Variants in RPS6KA4 observed in about 807,000 individuals in gnomAD.
RPS6KA4 encodes ribosomal protein S6 kinase A4, also known as ribosomal protein S6 kinase alpha-4.
RPS6KA4 carries 38 observed loss-of-function variants against 89.6 expected under a neutral mutation model. The ratio of observed to expected loss-of-function variants is 0.42; its 90% CI spans 0.33 to 0.56. The LOEUF is 0.56. RPS6KA4 is among the 20% of genes least tolerant of loss of function. The pLI is 0.07. For missense variants in RPS6KA4, 873 were observed against 1,098.8 expected, an observed-to-expected ratio of 0.79 and a Z score of 2.90; for synonymous variants, 495 against 492.8, an observed-to-expected ratio of 1.00 and a Z score of -0.06.
chr11:64,369,964 CGAGG>C lies in RPS6KA4; in HGVS notation c.1797+77_1797+80del, dbSNP rs530052666. On this transcript the variant is annotated intron_variant, in intron 14 of 16. Coordinates refer to ENST00000334205, the MANE Select transcript of RPS6KA4 (RefSeq NM_003942.3). Reference sequence around the variant, plus strand: ...GGCGTCTTCCTGATGTGCAGCAGCACGAGGGAGGGGACAGGGGTCATCTTGGTGG... The same window carrying C: ...GGCGTCTTCCTGATGTGCAGCAGCACGAGGGGACAGGGGTCATCTTGGTGG... 3.1e-4 allele frequency: 441 copies of C among 1,402,086 alleles called. 7 individuals carry two copies. In the South Asian group the frequency reaches 6.2e-3, roughly 20 times the overall value. The allele number at this position is 1,402,086 out of a possible 1,614,324, so 86.9% of individuals were successfully genotyped here. A position where few individuals can be genotyped will look rare whatever the true frequency, so the allele number is the denominator to read the frequency against.
chr11:64,360,203 C>G lies in RPS6KA4; in HGVS notation c.168C>G (p.His56Gln). 1.3e-6 allele frequency: 2 copies of G among 1,548,120 alleles called. No individual in the cohort carries two copies. The highest frequency in any genetic ancestry group is 1.2e-5 in the South Asian group (1 of 83,914). The change falls in exon 3 of 17, where the codon CAC (histidine) becomes CAG (glutamine). Residue 56 changes from histidine (H) to glutamine (Q), a missense_variant. Around this residue, in one of 4 missense-constraint regions of RPS6KA4, gnomAD observed 542 missense variants for 736.4 expected, o/e 0.74. Coordinates refer to ENST00000334205, the MANE Select transcript of RPS6KA4 (RefSeq NM_003942.3). ...KVFLVRKAGG[H>Q]DAGKLYAMKV... ...TCCTGGTGCGGAAGGCGGGCGGGCACGACGCGGGGAAGCTGTACGCCATGA... is the reference window on the plus strand; with the variant it reads ...TCCTGGTGCGGAAGGCGGGCGGGCAGGACGCGGGGAAGCTGTACGCCATGA...
chr11:64,368,927 G>T, intron 12 of RPS6KA4, 130 bp downstream of exon 12: 1 of 817,342 alleles, frequency 1.2e-6, no homozygotes, highest in Non-Finnish European at 1.9e-6. Flanking sequence ...AAGGGACCAG[G>T]GAGGCGCAGG....
intron 2 of RPS6KA4, 43 bp downstream of exon 2, chr11:64,359,492 C>T (rs1171872269): frequency 6.9e-6 from 11 of 1,596,032 alleles, no homozygotes; most frequent in African/African-American, 1.3e-5. Context: ...AGGCGCGGTG[C>T]CCCTGACCTC....
intron 12 of RPS6KA4, 88 bp from the exon 13 acceptor site, chr11:64,369,358 C>T: frequency 7.2e-7 from 1 of 1,379,644 alleles, no homozygotes; most frequent in South Asian, 1.5e-5. Flanking sequence ...ATTGGCAGGG[C>T]CCGAAGGCCG....
chr11:64,361,822 C>T lies in RPS6KA4; in HGVS notation c.756-30C>T. 1 of 1,584,614 alleles carries T rather than the reference C, an allele frequency of 6.3e-7. No homozygotes were observed. On this transcript the variant is annotated intron_variant, in intron 7 of 16. Transcript: ENST00000334205. This position sits in a 1 kb window ranked among gnomAD's most constrained non-coding sequence, Gnocchi z 4.7. ...GGCAGGGCTGTGGGTGGGGGGCTTG[C>T]TGCCCCTGACACCCCCCCAATCCTC...
At chr11:64,366,370 C>T (rs1304202470) in intron 9 of RPS6KA4, among the ~76,000 whole-genome samples, 1 of 152,112 alleles carries the variant, frequency 6.6e-6, no homozygotes, top group Admixed American at 6.5e-5. Flanking sequence ...GGGGTTTCAC[C>T]ATGTTGGCCT....
chr11:64,370,031 G>A lies in RPS6KA4; in HGVS notation c.1797+138G>A. The stretch of plus-strand genomic sequence containing the variant: ...TTCGTCCGAAGCTGGGATCGGGGTG[G>A]TTCAAATACAGAGGTGGGGTCGCTC... On this transcript the variant is annotated intron_variant, in intron 14 of 16. Transcript: ENST00000334205. This position sits in a 1 kb window ranked among gnomAD's most constrained non-coding sequence, Gnocchi z 4.1. 8.8e-7 allele frequency: 1 copy of A among 1,139,838 alleles called. No individual in the cohort carries two copies. The highest frequency in any genetic ancestry group is 2.6e-5 in the East Asian group (1 of 38,066). The allele number at this position is 1,139,838 out of a possible 1,614,324, so 70.6% of individuals were successfully genotyped here. A position where few individuals can be genotyped will look rare whatever the true frequency, so the allele number is the denominator to read the frequency against.
Position 64,370,590 on chromosome 11 carries a change from G to A in RPS6KA4, c.1985G>A (p.Arg662Gln), listed in dbSNP as rs1190984898. The A allele has an allele frequency of 1.3e-6, 2 of 1,591,494 alleles. No individual in the cohort carries two copies. Among genetic ancestry groups the A allele is most frequent in the African/African-American group, 1.3e-5 (1 of 74,916 alleles). Reference protein sequence around the residue: ...RGLLTVDPAKRLKLEGLRGSS... With the variant: ...RGLLTVDPAKQLKLEGLRGSS... ...CTCCTGACCGTGGACCCCGCCAAGC[G>A]GCTGAAGCTCGAGGGACTGCGGGGC... is the stretch of plus-strand genomic sequence containing the variant. Residue 662 changes from arginine (R) to glutamine (Q), a missense_variant, in exon 16 of 17, where the codon CGG (arginine) becomes CAG (glutamine). Coordinates refer to ENST00000334205, the MANE Select transcript of RPS6KA4 (RefSeq NM_003942.3). This position sits in a 1 kb window ranked among gnomAD's most constrained non-coding sequence, Gnocchi z 4.1.
chr11:64,367,030 A>G (rs1051016947), intron 9 of RPS6KA4, among the ~76,000 whole-genome samples: 2 of 152,202 alleles, frequency 1.3e-5, no homozygotes, highest in Non-Finnish European at 2.9e-5. Context: ...TCATTCATTC[A>G]TTTAATGATT....
In RPS6KA4 at chr11:64,369,837, C is replaced by T. The variant is rs534675719; in HGVS notation, c.1741C>T (p.Leu581=). ...GCTGCAGTACGCTGCCCCCGAGCTGCTGGCGCAGCAGGGCTACGACGAGTC... is the reference window on the plus strand; with the variant it reads ...GCTGCAGTACGCTGCCCCCGAGCTGTTGGCGCAGCAGGGCTACGACGAGTC... ...FTLQYAAPEL[L]AQQGYDESCD... The change falls in exon 14 of 17, where the codon CTG becomes TTG. Residue 581 remains leucine, a synonymous_variant. Coordinates refer to ENST00000334205, the MANE Select transcript of RPS6KA4 (RefSeq NM_003942.3). 2 of 1,588,950 alleles carry T rather than the reference C, an allele frequency of 1.3e-6. No individual in the cohort carries two copies. Among genetic ancestry groups the T allele is most frequent in the African/African-American group, 2.7e-5 (2 of 74,514 alleles).
In RPS6KA4 at chr11:64,369,471, T is replaced by C. The variant is rs2135345489; in HGVS notation, c.1454T>C (p.Leu485Pro). The change falls in exon 13 of 17, where the codon CTG (leucine) becomes CCG (proline). Residue 485 changes from leucine (L) to proline (P), a missense_variant. By Grantham distance (98) the Leu-to-Pro change is moderately conservative. This residue lies in a region of RPS6KA4 where 542 missense variants were observed against 736.4 expected (regional missense o/e 0.74). Transcript: ENST00000334205. ...DQLHTYLVLE[L>P]LRGGELLEHI... ...CTGCACACGTACCTGGTCCTGGAGC[T>C]GCTGCGGGGCGGGGAGCTGCTGGAG... 1 of 1,608,402 alleles carries C rather than the reference T, an allele frequency of 6.2e-7. No individual in the cohort carries two copies. Among genetic ancestry groups the C allele is most frequent in the South Asian group, 1.1e-5 (1 of 90,684 alleles).
intron 2 of RPS6KA4, chr11:64,359,668 A>G: frequency 1.7e-6 from 1 of 585,102 alleles, no homozygotes; most frequent in Non-Finnish European, 3.0e-6. Context: ...CTGTGCGTGC[A>G]TACCCCCCTG....
rs34452864 is a variant in RPS6KA4, at chr11:64,367,316, ATT to A, written c.1072-806_1072-805del. Among the ~76,000 whole-genome samples, 13 of 151,212 alleles carry A rather than the reference ATT, an allele frequency of 8.6e-5. 1 individual carries two copies. Among genetic ancestry groups the A allele is most frequent in the African/African-American group, 2.9e-4 (12 of 41,108 alleles). Reference sequence around the variant, plus strand: ...AAGTGCCACCACTCCCAGATAATTAATTTTTTTTTTTGAGACGCAGTTTCGCT... The same window carrying A: ...AAGTGCCACCACTCCCAGATAATTAATTTTTTTTTGAGACGCAGTTTCGCT... On this transcript the variant is annotated intron_variant, in intron 9 of 16. Transcript: ENST00000334205.
In RPS6KA4 at chr11:64,360,905, C is replaced by T. The variant is rs148800761; in HGVS notation, c.463-229C>T. On this transcript the variant is annotated intron_variant, in intron 4 of 16. Coordinates refer to ENST00000334205, the MANE Select transcript of RPS6KA4 (RefSeq NM_003942.3). ...AAGGCCTCCTTGAAATGGAGCTCTT[C>T]ACACAGACTTTCCTCTCTCTGGGAC... The T allele has an allele frequency of 1.8e-3, 1,032 of 571,700 alleles. 8 individuals are homozygous for T. Among genetic ancestry groups the T allele is most frequent in the African/African-American group, 0.018 (937 of 53,254 alleles). 35.4% of individuals were successfully genotyped at this position (571,700 alleles called of 1,614,324 possible). A position where few individuals can be genotyped will look rare whatever the true frequency, so the allele number is the denominator to read the frequency against.
At chr11:64,364,810 G>T (rs1484201336) in intron 8 of RPS6KA4, among the ~76,000 whole-genome samples, 2 of 149,184 alleles carry the variant, frequency 1.3e-5, no homozygotes, top group South Asian at 2.1e-4. Flanking sequence ...CGCTATCTTG[G>T]TTCACTGCAA....
In RPS6KA4 at chr11:64,370,564, G is replaced by C. The variant is rs1255655895; in HGVS notation, c.1959G>C (p.Gly653=). 4 of 1,592,980 alleles carry C rather than the reference G, an allele frequency of 2.5e-6. No homozygotes were observed. The highest frequency in any genetic ancestry group is 3.4e-6 in the Non-Finnish European group (4 of 1,175,928). ...CACACTTCCTTGCCCCGCCTCCAGG[G>C]CTCCTGACCGTGGACCCCGCCAAGC... is the stretch of plus-strand genomic sequence containing the variant. The part of the protein sequence containing the change: ...VSEEAKELVR[G]LLTVDPAKRL... Residue 653 remains glycine (G), a splice_region_variant and synonymous_variant, in exon 16 of 17, where the codon GGG becomes GGC. Coordinates refer to ENST00000334205, the MANE Select transcript of RPS6KA4 (RefSeq NM_003942.3). The surrounding 1 kb of genome is among the most constrained non-coding windows in gnomAD (Gnocchi z 4.1).
intron 10 of RPS6KA4, 47 bp from the exon 11 acceptor site, chr11:64,368,421 G>A: frequency 6.5e-7 from 1 of 1,543,584 alleles, no homozygotes; most frequent in Non-Finnish European, 8.7e-7. Context: ...TACCAGGTGG[G>A]ACCTCTGACG....
intron 8 of RPS6KA4, among the ~76,000 whole-genome samples, chr11:64,364,038 C>T (rs953298782): frequency 5.3e-5 from 8 of 152,032 alleles, no homozygotes; most frequent in Non-Finnish European, 1.0e-4. Context: ...AAGTGGCTTA[C>T]TTATTTTTCT....
chr11:64,369,498 A>G lies in RPS6KA4; in HGVS notation c.1481A>G (p.His494Arg). 2 of 1,610,286 alleles carry G rather than the reference A, an allele frequency of 1.2e-6. No individual in the cohort carries two copies. The highest frequency in any genetic ancestry group is 1.7e-6 in the Non-Finnish European group (2 of 1,179,036). The change falls in exon 13 of 17, where the codon CAC (histidine) becomes CGC (arginine). Residue 494 changes from histidine to arginine, a missense_variant. This residue lies in a region of RPS6KA4 where 542 missense variants were observed against 736.4 expected (regional missense o/e 0.74). Transcript: ENST00000334205. Reference sequence around the variant, plus strand: ...CTGCGGGGCGGGGAGCTGCTGGAGCACATCCGCAAGAAGCGGCACTTCAGC... The same window carrying G: ...CTGCGGGGCGGGGAGCTGCTGGAGCGCATCCGCAAGAAGCGGCACTTCAGC... ...ELLRGGELLEHIRKKRHFSES... is the reference protein window; with the variant it reads ...ELLRGGELLERIRKKRHFSES...
Sources: gnomAD v4.1 joint callset for allele counts (sites outside exome capture counted in the v4.1 genomes callset) on GRCh38, gnomAD v4.1.1 for gene constraint, gnomAD v4.1.1 regional missense constraint, Gnocchi (gnomAD v3.1) non-coding constraint, MANE v1.5 for transcripts, NCBI Gene and HGNC (gene_info 2026-07-23, HGNC 2026-07-21) for gene names.